The following HECTD4 variants were observed in gnomAD, a reference collection of about 807,000 sequenced individuals.
HECTD4 encodes the protein HECT domain E3 ubiquitin protein ligase 4.
A neutral mutation model predicts 471.5 loss-of-function variants in HECTD4; 114 were observed. The observed-to-expected ratio is 0.24, with a 90% CI of 0.21 to 0.28. The LOEUF is 0.28. HECTD4 is among the 10% of genes least tolerant of loss of function. The pLI is 1.00. For synonymous variants in HECTD4, 2,012 were observed against 2,256.0 expected (o/e 0.89, Z 3.07); for missense variants, 3,866 against 5,651.5 (o/e 0.68, Z 10.13).
intron 43 of HECTD4, among the ~76,000 whole-genome samples, chr12:112,227,751 GCCT>G (rs1209434788): frequency 6.6e-6 from 1 of 152,102 alleles, no homozygotes; most frequent in Non-Finnish European, 1.5e-5. Context: ...CGATTCTCCT[GCCT>G]CAAGGTAGTA....
Position 112,228,017 on chromosome 12 carries a change from C to T in HECTD4, c.6854+72G>A. On this transcript the variant is annotated intron_variant, in intron 43 of 75. Coordinates refer to ENST00000682272, the MANE Select transcript of HECTD4 (RefSeq NM_001388303.1). The surrounding 1 kb of genome is among the most constrained non-coding windows in gnomAD (Gnocchi z 4.9). ...ATTCACTAAGTTGGGAGTGGAGGGG[C>T]CCACCAAGGATCCCTTCTTCTGTCA... 3 of 1,391,516 alleles carry T rather than the reference C, an allele frequency of 2.2e-6. No homozygotes were observed. Among genetic ancestry groups the T allele is most frequent in the Non-Finnish European group, 2.9e-6 (3 of 1,037,714 alleles). 86.2% of individuals were successfully genotyped at this position (1,391,516 alleles called of 1,614,324 possible). A position where few individuals can be genotyped will look rare whatever the true frequency, so the allele number is the denominator to read the frequency against.
chr12:112,237,765 T>C lies in HECTD4; in HGVS notation c.5291-667A>G, dbSNP rs1593962726. 3.3e-5 allele frequency among the ~76,000 whole-genome samples: 5 copies of C among 152,172 alleles called. No homozygotes were observed. The South Asian group carries it at 1.0e-3, about 32-fold the overall frequency. ...CTATTTCCCTGTCAGACCTTTTTTT[T>C]TTTTTTGAGATGGAGTTTTGCTCTT... On this transcript the variant is annotated intron_variant, in intron 34 of 75. Coordinates refer to ENST00000682272, the MANE Select transcript of HECTD4 (RefSeq NM_001388303.1).
intron 1 of HECTD4, among the ~76,000 whole-genome samples, chr12:112,370,735 C>T (rs1194053363): frequency 6.6e-6 from 1 of 152,006 alleles, no homozygotes; most frequent in Admixed American, 6.6e-5. Context: ...TTCAGTTTTA[C>T]CTGTTATTTC....
chr12:112,204,936 C>T (rs1274666178), intron 52 of HECTD4, among the ~76,000 whole-genome samples: 1 of 151,766 alleles, frequency 6.6e-6, no homozygotes, highest in Non-Finnish European at 1.5e-5. Flanking sequence ...AGTTCAAGAC[C>T]AGCCTGACCA....
intron 1 of HECTD4, among the ~76,000 whole-genome samples, chr12:112,324,068 TTC>T (rs2035683035): frequency 2.3e-5 from 2 of 86,462 alleles, no homozygotes; most frequent in African/African-American, 6.8e-5. Flanking sequence ...CTTTCTTTCT[TTC>T]TTTCTTTCTT....
At chr12:112,327,674 T>A (rs951181330) in intron 1 of HECTD4, among the ~76,000 whole-genome samples, 3 of 152,350 alleles carry the variant, frequency 2.0e-5, no homozygotes. Context: ...TAACTAGCAC[T>A]GATAATTTTT....
chr12:112,200,740 T>C lies in HECTD4; in HGVS notation c.8465A>G (p.Tyr2822Cys). Residue 2822 changes from tyrosine to cysteine, a missense_variant, in exon 55 of 76, where the codon TAC becomes TGC. By Grantham distance (194) the Tyr-to-Cys change is radical. This residue lies in a region of HECTD4 where 266 missense variants were observed against 441.6 expected (regional missense o/e 0.60). Coordinates refer to ENST00000682272, the MANE Select transcript of HECTD4 (RefSeq NM_001388303.1). ...TTCCAACATGTCAATAGGATACCAG[T>C]ATCGCACCAGCACACCTTCACTGCG... ...YLRSEGVLVR[Y>C]WYPIDMLERP... The C allele has an allele frequency of 6.2e-7, 1 of 1,613,984 alleles. No homozygotes were observed. The highest frequency in any genetic ancestry group is 8.5e-7 in the Non-Finnish European group (1 of 1,179,856).
chr12:112,379,746 C>T (rs1227493033), intron 1 of HECTD4, among the ~76,000 whole-genome samples: 1 of 150,808 alleles, frequency 6.6e-6, no homozygotes, highest in Non-Finnish European at 1.5e-5. Flanking sequence ...TGTGAATACA[C>T]CCACACAAAC....
intron 7 of HECTD4, among the ~76,000 whole-genome samples, chr12:112,285,456 A>G (rs2034731448): frequency 6.6e-6 from 1 of 152,092 alleles, no homozygotes; most frequent in Non-Finnish European, 1.5e-5. Flanking sequence ...CCCAACCCAG[A>G]GCACATCATG....
intron 1 of HECTD4, among the ~76,000 whole-genome samples, chr12:112,334,582 C>T (rs1302491365): frequency 7.1e-6 from 1 of 140,952 alleles, no homozygotes; most frequent in Non-Finnish European, 1.5e-5. Flanking sequence ...ATCACGAGGT[C>T]AGGAGTTCGA....
At position 112,167,425 on chromosome 12, in the gene HECTD4, G is replaced by A. The variant is rs1566057717; in HGVS notation, c.12426C>T (p.Asp4142=). Residue 4142 remains aspartate, a synonymous_variant, in exon 72 of 76, where the codon GAC becomes GAT. Coordinates refer to ENST00000682272, the MANE Select transcript of HECTD4 (RefSeq NM_001388303.1). ...GCGTCTTCCAGAAGGAGGGCAGGAG[G>A]TCCAGGGGCAGCGGGACGTCTGCCC... ...AIRADVPLPL[D]LLPSFWKTLV... is the part of the protein sequence containing the mutation. 1 of 1,613,818 alleles carries A rather than the reference G, an allele frequency of 6.2e-7. No homozygotes were observed. The highest frequency in any genetic ancestry group is 1.3e-5 in the African/African-American group (1 of 75,080).
chr12:112,281,937 AT>A (rs1387059867), intron 8 of HECTD4, among the ~76,000 whole-genome samples: 1 of 152,158 alleles, frequency 6.6e-6, no homozygotes, highest in Non-Finnish European at 1.5e-5. Flanking sequence ...CTATGGAATA[AT>A]GGTTCTTAAT....
At chr12:112,278,286 G>A (rs904263843) in intron 9 of HECTD4, among the ~76,000 whole-genome samples, 1 of 152,032 alleles carries the variant, frequency 6.6e-6, no homozygotes, top group Non-Finnish European at 1.5e-5. Flanking sequence ...ACAACTCTGT[G>A]AACATATTAA....
chr12:112,379,476 C>A (rs867471030), intron 1 of HECTD4, among the ~76,000 whole-genome samples: 1 of 152,110 alleles, frequency 6.6e-6, no homozygotes, highest in Non-Finnish European at 1.5e-5. Context: ...GGCGGATCAC[C>A]TGAGGTCAGG....
intron 69 of HECTD4, chr12:112,169,863 C>T: frequency 1.6e-6 from 1 of 630,800 alleles, no homozygotes; most frequent in Middle Eastern, 2.5e-4. Flanking sequence ...GGAACCTGCC[C>T]TCCTGGGCCC....
At chr12:112,320,567 G>C (rs942493106) in intron 1 of HECTD4, among the ~76,000 whole-genome samples, 1 of 151,894 alleles carries the variant, frequency 6.6e-6, no homozygotes, top group African/African-American at 2.4e-5. Flanking sequence ...CAGGCGTGGT[G>C]GCCCACGCCT....
At chr12:112,216,485 T>C in intron 47 of HECTD4, 114 bp from the exon 48 acceptor site, 2 of 727,612 alleles carry the variant, frequency 2.7e-6, no homozygotes, top group South Asian at 3.4e-5. Flanking sequence ...TGTGAGATTA[T>C]TATAGTATCA....
chr12:112,277,587 G>C (rs2034552321), intron 9 of HECTD4, among the ~76,000 whole-genome samples: 3 of 152,120 alleles, frequency 2.0e-5, no homozygotes, highest in Admixed American at 1.3e-4. Context: ...AATAATAAAT[G>C]CACATTTGCA....
intron 10 of HECTD4, 144 bp from the exon 11 acceptor site, chr12:112,273,939 G>GT: frequency 2.2e-6 from 2 of 894,578 alleles, no homozygotes; most frequent in Non-Finnish European, 3.2e-6. Flanking sequence ...GATTTATTTG[G>GT]TAAGGCACTA....
Sources: gnomAD v4.1 joint callset for allele counts (sites outside exome capture counted in the v4.1 genomes callset) on GRCh38, gnomAD v4.1.1 for gene constraint, gnomAD v4.1.1 regional missense constraint, Gnocchi (gnomAD v3.1) non-coding constraint, MANE v1.5 for transcripts, NCBI Gene and HGNC (gene_info 2026-07-23, HGNC 2026-07-21) for gene names.